The following RAD51B variants were observed in gnomAD, a reference collection of about 807,000 sequenced individuals.
RAD51B encodes DNA repair protein RAD51 homolog 2.
In RAD51B, 38 loss-of-function variants were observed where a neutral mutation model predicts 42.2. That is an observed-to-expected ratio of 0.90 (90% CI 0.70 to 1.18). The LOEUF (loss-of-function observed/expected upper bound fraction) is 1.18, where lower values mean the gene tolerates loss of function less well. RAD51B is among the 50% of genes most tolerant of loss of function. RAD51B has a pLI of 0.00. For missense variants in RAD51B, 373 were observed against 400.7 expected, an observed-to-expected ratio of 0.93 and a Z score of 0.59; for synonymous variants, 154 against 145.2, an observed-to-expected ratio of 1.06 and a Z score of -0.43.
At chr14:68,412,777 C>G (rs1334009243) in intron 9 of RAD51B, among the ~76,000 whole-genome samples, 1 of 152,190 alleles carries the variant, frequency 6.6e-6, no homozygotes, top group East Asian at 1.9e-4. Context: ...TGTTATTTCT[C>G]TTTTTAGTGG....
chr14:67,972,471 G>A (rs1396583443), intron 7 of RAD51B, among the ~76,000 whole-genome samples: 1 of 152,054 alleles, frequency 6.6e-6, no homozygotes, highest in Non-Finnish European at 1.5e-5. Flanking sequence ...TTAGGGCCAG[G>A]TGCCTTTCAT....
chr14:68,573,124 C>T (rs933310146), intron 10 of RAD51B, among the ~76,000 whole-genome samples: 1 of 152,174 alleles, frequency 6.6e-6, no homozygotes, highest in African/African-American at 2.4e-5. Flanking sequence ...CCAGGGTGAA[C>T]TGTATGTACA....
At chr14:67,933,842 T>C (rs2044832532) in intron 7 of RAD51B, among the ~76,000 whole-genome samples, 1 of 152,200 alleles carries the variant, frequency 6.6e-6, no homozygotes, top group African/African-American at 2.4e-5. Flanking sequence ...TGAATACATC[T>C]CTGCTGAGGA....
intron 10 of RAD51B, among the ~76,000 whole-genome samples, chr14:68,519,144 C>T (rs945960769): frequency 6.6e-6 from 1 of 152,222 alleles, no homozygotes; most frequent in Non-Finnish European, 1.5e-5. Flanking sequence ...CAGGCTTTTC[C>T]ACCTCCAGAG....
chr14:67,938,887 T>G (rs73282432), intron 7 of RAD51B, among the ~76,000 whole-genome samples: 3,938 of 152,238 alleles, frequency 0.026, 169 homozygotes, highest in African/African-American at 0.09. Context: ...TATACTGATT[T>G]GCCATCTAGG....
chr14:68,501,720 C>T (rs1416543334), intron 10 of RAD51B, among the ~76,000 whole-genome samples: 2 of 152,370 alleles, frequency 1.3e-5, no homozygotes, highest in South Asian at 2.1e-4. Flanking sequence ...TCAGCTGGCC[C>T]GGTGCCCACT....
At chr14:68,561,272 A>T (rs1889134680) in intron 10 of RAD51B, among the ~76,000 whole-genome samples, 1 of 152,192 alleles carries the variant, frequency 6.6e-6, no homozygotes, top group African/African-American at 2.4e-5. Flanking sequence ...AAATTTAAGG[A>T]TCATTTAGGG....
chr14:68,564,957 G>A (rs761552533), intron 10 of RAD51B, among the ~76,000 whole-genome samples: 5 of 152,216 alleles, frequency 3.3e-5, no homozygotes, highest in African/African-American at 4.8e-5. Context: ...TTCCCACTGG[G>A]TGAACACAGC....
chr14:68,135,770 CAGG>C (rs2077994611), intron 7 of RAD51B, among the ~76,000 whole-genome samples: 2 of 152,246 alleles, frequency 1.3e-5, no homozygotes, highest in Admixed American at 1.3e-4. Context: ...CAAGCATGCA[CAGG>C]AGAATATGAG....
At chr14:68,522,415 G>C (rs2140332655) in intron 10 of RAD51B, among the ~76,000 whole-genome samples, 1 of 152,248 alleles carries the variant, frequency 6.6e-6, no homozygotes, top group East Asian at 1.9e-4. Flanking sequence ...GGGCAGAATT[G>C]AAGAGACTGC....
chr14:67,862,660 A>G (rs1330200493), intron 4 of RAD51B, among the ~76,000 whole-genome samples: 1 of 152,192 alleles, frequency 6.6e-6, no homozygotes, highest in Non-Finnish European at 1.5e-5. Flanking sequence ...TCAGCTTACA[A>G]TTAAGTACTG....
rs141608329 is a variant in RAD51B, at chr14:67,911,534, G to C, written c.756+24330G>C. Reference sequence around the variant, plus strand: ...TACAACCTTCTCCAGGCATGCTATTGTGAATATTGGAGGGGTGCCATTTCT... The same window carrying C: ...TACAACCTTCTCCAGGCATGCTATTCTGAATATTGGAGGGGTGCCATTTCT... On this transcript the variant is annotated intron_variant, in intron 7 of 10. Transcript: ENST00000471583. Among the ~76,000 whole-genome samples, 443 of 152,208 alleles carry C rather than the reference G, an allele frequency of 2.9e-3. 4 individuals carry two copies. Among genetic ancestry groups the C allele is most frequent in the African/African-American group, 9.5e-3 (395 of 41,536 alleles).
At chr14:68,011,677 T>G (rs1322206092) in intron 7 of RAD51B, among the ~76,000 whole-genome samples, 1 of 152,108 alleles carries the variant, frequency 6.6e-6, no homozygotes, top group Non-Finnish European at 1.5e-5. Flanking sequence ...AGTTCCAGTT[T>G]AAACAACTGG....
At chr14:68,572,973 C>G (rs1412691649) in intron 10 of RAD51B, among the ~76,000 whole-genome samples, 1 of 152,094 alleles carries the variant, frequency 6.6e-6, no homozygotes, top group Non-Finnish European at 1.5e-5. Flanking sequence ...GATGAAACAG[C>G]CTACCAAGGG....
chr14:68,560,408 C>G (rs1016286753), intron 10 of RAD51B, among the ~76,000 whole-genome samples: 1 of 152,116 alleles, frequency 6.6e-6, no homozygotes, highest in Non-Finnish European at 1.5e-5. Context: ...AGTCTGGGGA[C>G]TTGGGGGCTG....
At chr14:68,332,861 C>T (rs1044923595) in intron 8 of RAD51B, among the ~76,000 whole-genome samples, 1 of 152,166 alleles carries the variant, frequency 6.6e-6, no homozygotes, top group African/African-American at 2.4e-5. Context: ...TATGTGAAAC[C>T]TGTTTTTAGA....
intron 7 of RAD51B, among the ~76,000 whole-genome samples, chr14:67,966,904 C>G (rs1046607605): frequency 6.6e-6 from 1 of 152,104 alleles, no homozygotes; most frequent in Non-Finnish European, 1.5e-5. Flanking sequence ...CTTCTCATAG[C>G]AATCTGATAT....
At chr14:68,275,228 C>T (rs1862841239) in intron 7 of RAD51B, among the ~76,000 whole-genome samples, 1 of 152,192 alleles carries the variant, frequency 6.6e-6, no homozygotes, top group Non-Finnish European at 1.5e-5. Flanking sequence ...ATTTCCAAGT[C>T]TGTGTTAGAG....
intron 10 of RAD51B, among the ~76,000 whole-genome samples, chr14:68,545,977 A>G (rs185461660): frequency 6.6e-6 from 1 of 152,238 alleles, no homozygotes; most frequent in African/African-American, 2.4e-5. Context: ...GAAGTATTTT[A>G]TTCATGTATC....
Sources: allele counts gnomAD v4.1 joint callset (sites outside exome capture counted in the v4.1 genomes callset), GRCh38; gene constraint gnomAD v4.1.1; transcripts MANE v1.5; gene names NCBI Gene and HGNC (gene_info 2026-07-23, HGNC 2026-07-21).